Variants in ARNT2 observed in about 807,000 individuals in gnomAD.
ARNT2 encodes the protein ARNT protein 2.
ARNT2 carries 36 observed loss-of-function variants against 91.7 expected under a neutral mutation model. The ratio of observed to expected loss-of-function variants is 0.39; its 90% CI spans 0.30 to 0.52. The LOEUF is 0.52. Among genes scored for constraint, ARNT2 ranks in the 20% least tolerant of loss-of-function variants. ARNT2 has a pLI of 0.72. For missense variants in ARNT2, 775 were observed against 939.3 expected (o/e 0.83, Z 2.29); for synonymous variants, 365 against 347.1 (o/e 1.05, Z -0.57).
At chr15:80,430,936 G>A (rs982636134) in intron 1 of ARNT2, among the ~76,000 whole-genome samples, 4 of 152,014 alleles carry the variant, frequency 2.6e-5, no homozygotes, top group African/African-American at 9.7e-5. Flanking sequence ...GTTCTGGGTG[G>A]TGCATGTACG....
chr15:80,589,976 A>G (rs1263671459), intron 17 of ARNT2, among the ~76,000 whole-genome samples: 4 of 152,226 alleles, frequency 2.6e-5, no homozygotes, highest in African/African-American at 9.6e-5. Context: ...TAGAGTTTGA[A>G]AAGCACCAAT....
intron 8 of ARNT2, among the ~76,000 whole-genome samples, chr15:80,523,857 G>C (rs923992953): frequency 2.0e-5 from 3 of 152,124 alleles, no homozygotes; most frequent in African/African-American, 7.2e-5. Context: ...CAGAGCAGTG[G>C]GACTATTATG....
intron 17 of ARNT2, among the ~76,000 whole-genome samples, chr15:80,584,590 G>T (rs537979239): frequency 1.3e-5 from 2 of 152,290 alleles, no homozygotes; most frequent in East Asian, 3.9e-4. Context: ...CCCCATTAAT[G>T]GTCAGTTTCA....
chr15:80,557,877 C>T (rs1221639338), intron 11 of ARNT2, among the ~76,000 whole-genome samples: 2 of 152,316 alleles, frequency 1.3e-5, no homozygotes, highest in African/African-American at 2.4e-5. Flanking sequence ...ATTCGGAAGA[C>T]ATAAATTAGG....
intron 4 of ARNT2, among the ~76,000 whole-genome samples, 166 bp from the exon 5 acceptor site, chr15:80,474,844 A>G (rs146313079): frequency 6.6e-6 from 1 of 152,278 alleles, no homozygotes; most frequent in East Asian, 1.9e-4. Context: ...AGCTTTGTGC[A>G]TTTTTCTAGC....
intron 1 of ARNT2, among the ~76,000 whole-genome samples, chr15:80,447,178 C>A (rs1896318494): frequency 1.3e-5 from 2 of 152,272 alleles, no homozygotes; most frequent in South Asian, 2.1e-4. Context: ...CCTCTCATCT[C>A]CCATCACAGC....
intron 8 of ARNT2, among the ~76,000 whole-genome samples, chr15:80,514,638 G>C (rs1046162088): frequency 2.6e-5 from 4 of 152,234 alleles, no homozygotes; most frequent in Admixed American, 2.6e-4. Flanking sequence ...TGTAATCCCA[G>C]CACTTTGGGG....
intron 5 of ARNT2, among the ~76,000 whole-genome samples, chr15:80,502,899 A>G (rs1017739625): frequency 2.0e-5 from 3 of 152,186 alleles, no homozygotes; most frequent in East Asian, 3.9e-4. Context: ...CTGACTAAGG[A>G]AAACAGAATG....
intron 5 of ARNT2, among the ~76,000 whole-genome samples, chr15:80,487,301 G>T (rs772742146): frequency 1.3e-5 from 2 of 152,148 alleles, no homozygotes; most frequent in South Asian, 2.1e-4. Context: ...TTGTCCATGC[G>T]CACAGCAGCA....
chr15:80,415,972 C>A lies in ARNT2; in HGVS notation c.31+11426C>A, dbSNP rs1816605968. On this transcript the variant is annotated intron_variant, in intron 1 of 18. Coordinates refer to ENST00000303329, the MANE Select transcript of ARNT2 (RefSeq NM_014862.4). ...AAGTTGCTTCATTTCCCCCTGGAGT[C>A]AGAACTTTGCCTTCCCCCTGCCCAC... 3.3e-5 allele frequency among the ~76,000 whole-genome samples: 5 copies of A among 152,270 alleles called. No individual in the cohort carries two copies. In the South Asian group the frequency reaches 1.0e-3, roughly 32 times the overall value.
chr15:80,570,479 A>T (rs979240118), intron 12 of ARNT2, among the ~76,000 whole-genome samples: 3 of 152,206 alleles, frequency 2.0e-5, no homozygotes, highest in Non-Finnish European at 2.9e-5. Context: ...AGAATAAGAG[A>T]GTAGAGAAAG....
intron 8 of ARNT2, among the ~76,000 whole-genome samples, chr15:80,536,893 AT>A (rs1897834543): frequency 6.6e-6 from 1 of 152,074 alleles, no homozygotes; most frequent in Admixed American, 6.6e-5. Context: ...TTTTGTGGTC[AT>A]TTATCTTACA....
At chr15:80,513,721 C>G (rs200699304) in intron 6 of ARNT2, among the ~76,000 whole-genome samples, 190 bp from the exon 7 acceptor site, 1 of 100,942 alleles carries the variant, frequency 9.9e-6, no homozygotes, top group African/African-American at 3.8e-5. Flanking sequence ...TCTTCAGTCA[C>G]AAAAAAAAAA....
chr15:80,424,960 T>C (rs761134789), intron 1 of ARNT2, among the ~76,000 whole-genome samples: 3 of 152,148 alleles, frequency 2.0e-5, no homozygotes, highest in Admixed American at 1.3e-4. Context: ...AAATAAATCC[T>C]TTTTTTGTAG....
rs901935387 is a variant in ARNT2, at chr15:80,596,280, GC to G, written c.*2585del. 6.6e-6 allele frequency: 1 copy of G among 152,142 alleles called. No individual in the cohort carries two copies. The allele number at this position is 152,142 out of a possible 1,614,324, so 9.4% of individuals were successfully genotyped here. ...ATGGGGAGGCATTATGACTAAATAG[GC>G]CCAGCCTCCTTCCCTTCCAGCTCTG... On this transcript the variant is annotated 3_prime_UTR_variant, in exon 19 of 19. Transcript: ENST00000303329.
intron 11 of ARNT2, chr15:80,555,996 A>C (rs947795863): frequency 2.0e-5 from 3 of 146,920 alleles, no homozygotes; most frequent in African/African-American, 7.6e-5. Flanking sequence ...ATCAATACAA[A>C]GTTAAGAGAC....
At chr15:80,463,639 C>T (rs1053258007) in intron 3 of ARNT2, among the ~76,000 whole-genome samples, 4 of 144,650 alleles carry the variant, frequency 2.8e-5, no homozygotes, top group African/African-American at 7.8e-5. Context: ...AGTGCAATGG[C>T]GCGGTCTCGG....
At chr15:80,412,176 C>T (rs1034083881) in intron 1 of ARNT2, among the ~76,000 whole-genome samples, 2 of 152,170 alleles carry the variant, frequency 1.3e-5, no homozygotes, top group African/African-American at 4.8e-5. Context: ...AACAATTTGA[C>T]CATTTTTTTC....
At position 80,505,927 on chromosome 15, in the gene ARNT2, G is replaced by GTTTTTTTTT. The variant is rs1161520898; in HGVS notation, c.623-2217_623-2209dup. The stretch of plus-strand genomic sequence containing the variant: ...GAAAAAATGATTCCCAACATTTGTT[G>GTTTTTTTTT]TTTTTTTTTTTTTTTTTTTTGAGAC... On this transcript the variant is annotated intron_variant, in intron 5 of 18. Transcript: ENST00000303329. Among the ~76,000 whole-genome samples the GTTTTTTTTT allele has an allele frequency of 9.3e-3, 822 of 88,864 alleles. 102 individuals carry two copies. Among genetic ancestry groups the GTTTTTTTTT allele is most frequent in the East Asian group, 0.015 (45 of 3,004 alleles). The allele number at this position is 88,864 out of a possible 152,430, so 58.3% of individuals were successfully genotyped here.
Sources: gnomAD v4.1 joint callset for allele counts (sites outside exome capture counted in the v4.1 genomes callset) on GRCh38, gnomAD v4.1.1 for gene constraint, MANE v1.5 for transcripts, NCBI Gene and HGNC (gene_info 2026-07-23, HGNC 2026-07-21) for gene names.